The following MOB3B variants were observed in gnomAD, a reference collection of about 807,000 sequenced individuals.
MOB3B encodes the protein MOB kinase activator 3B, also known as MOB kinase activator-like 2B.
In MOB3B, 7 loss-of-function variants were observed where a neutral mutation model predicts 18.7. The ratio of observed to expected loss-of-function variants is 0.37; its 90% CI spans 0.21 to 0.70. The LOEUF (loss-of-function observed/expected upper bound fraction) is 0.70, where lower values mean the gene tolerates loss of function less well. MOB3B is among the 30% of genes least tolerant of loss of function. The probability of loss-of-function intolerance (pLI) is 0.52; values close to 1 mark genes in which losing one functional copy is unlikely to be tolerated. For synonymous variants in MOB3B, 111 were observed against 99.9 expected (o/e 1.11, Z -0.66); for missense variants, 253 against 281.3 (o/e 0.90, Z 0.72).
chr9:27,354,001 A>T (rs938870735), intron 3 of MOB3B, among the ~76,000 whole-genome samples: 4 of 152,244 alleles, frequency 2.6e-5, no homozygotes, highest in African/African-American at 9.6e-5. Flanking sequence ...TTACATGAGC[A>T]ATGGATGATC....
intron 2 of MOB3B, among the ~76,000 whole-genome samples, chr9:27,435,221 T>A (rs1822481434): frequency 6.6e-6 from 1 of 152,210 alleles, no homozygotes; most frequent in Non-Finnish European, 1.5e-5. Context: ...ACACTCCTTT[T>A]TTAATTTGTT....
rs140994334 is a variant in MOB3B at position 27,454,932 on chromosome 9, C to T, written c.418+201G>A. ...TCCCCAGCATGTGGTATGTGTACCACTGGAGTCCACAAAATAAATGTAAGT... is the reference window on the plus strand; with the variant it reads ...TCCCCAGCATGTGGTATGTGTACCATTGGAGTCCACAAAATAAATGTAAGT... On this transcript the variant is annotated intron_variant, in intron 2 of 3. Coordinates refer to ENST00000262244, the MANE Select transcript of MOB3B (RefSeq NM_024761.5). Among the ~76,000 whole-genome samples, 412 of 152,276 alleles carry T rather than the reference C, an allele frequency of 2.7e-3. 1 individual carries two copies. Among genetic ancestry groups the T allele is most frequent in the African/African-American group, 9.4e-3 (392 of 41,556 alleles).
intron 2 of MOB3B, among the ~76,000 whole-genome samples, chr9:27,426,492 C>T (rs1015452091): frequency 5.3e-5 from 8 of 152,134 alleles, no homozygotes; most frequent in Admixed American, 3.9e-4. Context: ...GGCAGGTGAC[C>T]AAGCTACTGT....
intron 2 of MOB3B, among the ~76,000 whole-genome samples, chr9:27,363,591 A>G (rs1479263844): frequency 6.6e-6 from 1 of 151,358 alleles, no homozygotes; most frequent in East Asian, 1.9e-4. Flanking sequence ...TTTTAAATGG[A>G]AACTGAGGCT....
intron 1 of MOB3B, among the ~76,000 whole-genome samples, chr9:27,478,871 A>C (rs1017723490): frequency 7.9e-5 from 12 of 151,498 alleles, no homozygotes; most frequent in Admixed American, 2.6e-4. Context: ...ATGGCAGAAC[A>C]CTAGCACCAA....
At chr9:27,336,346 A>T (rs1269204365) in intron 3 of MOB3B, among the ~76,000 whole-genome samples, 2 of 152,164 alleles carry the variant, frequency 1.3e-5, no homozygotes, top group East Asian at 3.8e-4. Context: ...GGGAAGAGCT[A>T]CCACAGCAGC....
intron 3 of MOB3B, among the ~76,000 whole-genome samples, chr9:27,342,976 G>C (rs987151528): frequency 1.3e-5 from 2 of 151,454 alleles, no homozygotes; most frequent in East Asian, 2.0e-4. Context: ...CCCCGTCTGG[G>C]AGGTATACCC....
chr9:27,438,878 G>A (rs1822551116), intron 2 of MOB3B, among the ~76,000 whole-genome samples: 2 of 152,146 alleles, frequency 1.3e-5, no homozygotes, highest in South Asian at 2.1e-4. Flanking sequence ...AACCATGGCC[G>A]AAAAGTCCAC....
chr9:27,405,603 A>G (rs924521446), intron 2 of MOB3B, among the ~76,000 whole-genome samples: 1 of 151,816 alleles, frequency 6.6e-6, no homozygotes, highest in Non-Finnish European at 1.5e-5. Context: ...CCATTTTTCC[A>G]TTTTTGCTTT....
chr9:27,342,925 C>T (rs1206481940), intron 3 of MOB3B, among the ~76,000 whole-genome samples: 1 of 146,788 alleles, frequency 6.8e-6, no homozygotes, highest in Admixed American at 6.7e-5. Flanking sequence ...GCCTGGCCAC[C>T]CATCGTCTGG....
At chr9:27,525,068 AGTTGGACTGGT>A (rs1820414515) in intron 1 of MOB3B, 2 of 958,754 alleles carry the variant, frequency 2.1e-6, no homozygotes, top group Admixed American at 2.9e-5. Flanking sequence ...GCCTGTCCTC[AGTTGGACTGGT>A]AGCCTCGGAA....
chr9:27,387,534 T>A (rs990904024), intron 2 of MOB3B, among the ~76,000 whole-genome samples: 1 of 152,222 alleles, frequency 6.6e-6, no homozygotes, highest in Non-Finnish European at 1.5e-5. Flanking sequence ...GTTAAAAATA[T>A]TTAGACTATG....
At chr9:27,468,551 C>G (rs1819420252) in intron 1 of MOB3B, among the ~76,000 whole-genome samples, 1 of 152,188 alleles carries the variant, frequency 6.6e-6, no homozygotes, top group African/African-American at 2.4e-5. Context: ...GCATGCACAT[C>G]TCTGATGCGA....
chr9:27,334,853 C>T (rs1334082346), intron 3 of MOB3B, among the ~76,000 whole-genome samples: 3 of 150,960 alleles, frequency 2.0e-5, no homozygotes, highest in Non-Finnish European at 4.4e-5. Context: ...GATGGAGTCT[C>T]GCTTTGTTCC....
intron 2 of MOB3B, among the ~76,000 whole-genome samples, chr9:27,420,497 C>T (rs1440813811): frequency 5.1e-5 from 7 of 136,288 alleles, no homozygotes; most frequent in Non-Finnish European, 7.8e-5. Context: ...CATATATATT[C>T]CATCTATATA....
At chr9:27,462,719 A>T (rs1819312867) in intron 1 of MOB3B, among the ~76,000 whole-genome samples, 1 of 152,202 alleles carries the variant, frequency 6.6e-6, no homozygotes, top group Non-Finnish European at 1.5e-5. Flanking sequence ...TGGATCCTGT[A>T]ACTGACAACA....
At chr9:27,425,039 C>A (rs1032847036) in intron 2 of MOB3B, among the ~76,000 whole-genome samples, 6 of 152,140 alleles carry the variant, frequency 3.9e-5, no homozygotes, top group African/African-American at 1.4e-4. Context: ...TTAAACTAAA[C>A]TACCTCCAGT....
chr9:27,499,722 C>G (rs1297992284), intron 1 of MOB3B, among the ~76,000 whole-genome samples: 2 of 152,082 alleles, frequency 1.3e-5, no homozygotes, highest in African/African-American at 4.8e-5. Context: ...TTCTGAAGGA[C>G]AAGTCACAGC....
chr9:27,422,071 A>C (rs1822261959), intron 2 of MOB3B, among the ~76,000 whole-genome samples: 1 of 152,204 alleles, frequency 6.6e-6, no homozygotes, highest in African/African-American at 2.4e-5. Context: ...GGCTCCATTA[A>C]TATTTGCTGA....
Sources: gnomAD v4.1 joint callset for allele counts (sites outside exome capture counted in the v4.1 genomes callset) on GRCh38, gnomAD v4.1.1 for gene constraint, MANE v1.5 for transcripts, NCBI Gene and HGNC (gene_info 2026-07-23, HGNC 2026-07-21) for gene names.